UFL1: variants seen among roughly 807,000 people sequenced by gnomAD.
The protein encoded by UFL1 is UFM1 specific ligase 1.
Under a neutral mutation model 99.3 loss-of-function variants are expected in UFL1, and 78 were observed. The observed-to-expected ratio is 0.79, with a 90% confidence interval of 0.65 to 0.95. The LOEUF is 0.95. Ranked by LOEUF, UFL1 falls within the 40% of genes least tolerant of loss-of-function variation. UFL1 has a pLI of 0.00. For missense variants in UFL1, 936 were observed against 937.0 expected, an observed-to-expected ratio of 1.00 and a Z score of 0.01; for synonymous variants, 335 against 322.2, an observed-to-expected ratio of 1.04 and a Z score of -0.42.
At chr6:96,550,886 A>G (rs537179176) in intron 15 of UFL1, among the ~76,000 whole-genome samples, 18 of 152,116 alleles carry the variant, frequency 1.2e-4, no homozygotes, top group African/African-American at 4.3e-4. Context: ...CCTGGTGTCA[A>G]GCCATACTAG....
rs751295138 is a variant in UFL1 at position 96,526,351 on chromosome 6, C to T, written c.381C>T (p.Val127=). ...ENYLDRLAEE[V]NDKLQESGQV... is the part of the protein sequence containing the mutation. ...ATTTGGATCGGTTGGCAGAAGAGGTCAATGATAAATTGCAAGAAAGTGGTC... is the reference window on the plus strand; with the variant it reads ...ATTTGGATCGGTTGGCAGAAGAGGTTAATGATAAATTGCAAGAAAGTGGTC... The change falls in exon 5 of 19, where the codon GTC becomes GTT. Residue 127 remains valine (V), a synonymous_variant. Coordinates refer to ENST00000369278, the MANE Select transcript of UFL1 (RefSeq NM_015323.5). 1.2e-6 allele frequency: 2 copies of T among 1,613,344 alleles called. No homozygotes were observed. Among genetic ancestry groups the T allele is most frequent in the South Asian group, 1.1e-5 (1 of 90,950 alleles).
intron 13 of UFL1, among the ~76,000 whole-genome samples, chr6:96,548,729 C>G (rs527393293): frequency 1.1e-4 from 16 of 151,718 alleles, no homozygotes; most frequent in African/African-American, 3.9e-4. Context: ...TTAGGCACTC[C>G]TACCTTATGA....
intron 6 of UFL1, among the ~76,000 whole-genome samples, chr6:96,531,631 A>T (rs553487950): frequency 1.2e-4 from 18 of 152,306 alleles, no homozygotes; most frequent in African/African-American, 4.1e-4. Context: ...ATGGAGAGGG[A>T]TTCTTCAGTT....
intron 12 of UFL1, among the ~76,000 whole-genome samples, chr6:96,545,205 C>T (rs1355930668): frequency 6.6e-6 from 1 of 150,768 alleles, no homozygotes; most frequent in East Asian, 1.9e-4. Flanking sequence ...GATTTTTGAG[C>T]CATTTTATTT....
In UFL1 at chr6:96,523,261, G is replaced by C. The variant is rs1582435486; in HGVS notation, c.193G>C (p.Glu65Gln). The C allele has an allele frequency of 6.2e-7, 1 of 1,609,254 alleles. No homozygotes were observed. The highest frequency in any genetic ancestry group is 2.2e-5 in the East Asian group (1 of 44,722). Reference protein sequence around the residue: ...EYITPAQISKEMRDELHVRGG... With the variant: ...EYITPAQISKQMRDELHVRGG... ...TATTACTCCAGCCCAAATTAGTAAA[G>C]AAATGAGAGATGAGCTACATGTCCG... The change falls in exon 2 of 19, where the codon GAA becomes CAA. Residue 65 changes from glutamate (E) to glutamine (Q), a missense_variant. Coordinates refer to ENST00000369278, the MANE Select transcript of UFL1 (RefSeq NM_015323.5).
Position 96,548,189 on chromosome 6 carries a change from T to C in UFL1, c.1428T>C (p.Phe476=), listed in dbSNP as rs1298992448. ...HTGKKKPEIS[F]MFQDEIEDFL... The stretch of plus-strand genomic sequence containing the variant: ...GAAAGAAGAAGCCAGAGATCAGTTT[T>C]ATGTTCCAGGATGAGATTGAAGATT... The change falls in exon 13 of 19, where the codon TTT becomes TTC. Residue 476 remains phenylalanine (F), a synonymous_variant. Coordinates refer to ENST00000369278, the MANE Select transcript of UFL1 (RefSeq NM_015323.5). 1 of 1,602,112 alleles carries C rather than the reference T, an allele frequency of 6.2e-7. No individual in the cohort carries two copies. Among genetic ancestry groups the C allele is most frequent in the Non-Finnish European group, 8.5e-7 (1 of 1,173,744 alleles).
intron 5 of UFL1, among the ~76,000 whole-genome samples, chr6:96,527,498 G>A (rs1582437460): frequency 6.8e-6 from 1 of 146,808 alleles, no homozygotes; most frequent in South Asian, 2.1e-4. Context: ...TGAGATTAAT[G>A]TATAATACAA....
chr6:96,548,304 CT>C, intron 13 of UFL1, 23 bp downstream of exon 13: 1 of 1,412,042 alleles, frequency 7.1e-7, no homozygotes, highest in Non-Finnish European at 9.7e-7. Flanking sequence ...TGTATTTTTT[CT>C]GTTTTATGGT....
rs373693387 is a variant in UFL1 at position 96,551,048 on chromosome 6, C to T, written c.1819-385C>T. ...ACAAGCATCCAGCCATGAACAAGAG[C>T]TCAGCCTCCCATCTTGTAGGCATCC... On this transcript the variant is annotated intron_variant, in intron 15 of 18. Coordinates refer to ENST00000369278, the MANE Select transcript of UFL1 (RefSeq NM_015323.5). Among the ~76,000 whole-genome samples the T allele has an allele frequency of 2.6e-5, 4 of 152,084 alleles. No individual in the cohort carries two copies. In the South Asian group the frequency reaches 8.3e-4, roughly 32 times the overall value.
At chr6:96,548,095 C>A (rs1408740290) in intron 12 of UFL1, 69 bp from the exon 13 acceptor site, 3 of 928,536 alleles carry the variant, frequency 3.2e-6, no homozygotes, top group South Asian at 1.6e-5. Flanking sequence ...AGTAATGGAG[C>A]CCTATTTGCC....
At chr6:96,526,797 T>C (rs1371279678) in intron 5 of UFL1, among the ~76,000 whole-genome samples, 2 of 152,226 alleles carry the variant, frequency 1.3e-5, no homozygotes, top group Non-Finnish European at 2.9e-5. Context: ...ATTAAATTTC[T>C]GATTGCCCAG....
intron 5 of UFL1, among the ~76,000 whole-genome samples, chr6:96,526,898 T>C (rs1387667852): frequency 6.6e-6 from 1 of 152,192 alleles, no homozygotes; most frequent in African/African-American, 2.4e-5. Context: ...CTAAACATCC[T>C]ACAATGTACA....
Position 96,551,229 on chromosome 6 carries a change from G to T in UFL1, c.1819-204G>T, listed in dbSNP as rs565631112. On this transcript the variant is annotated intron_variant, in intron 15 of 18. Coordinates refer to ENST00000369278, the MANE Select transcript of UFL1 (RefSeq NM_015323.5). ...GTCTTTCTCTTACATTGATGGAGCAGGTGGGAGGAGCAGGGCTGTATCTAT... is the reference window on the plus strand; with the variant it reads ...GTCTTTCTCTTACATTGATGGAGCATGTGGGAGGAGCAGGGCTGTATCTAT... Among the ~76,000 whole-genome samples, 4 of 152,094 alleles carry T rather than the reference G, an allele frequency of 2.6e-5. No individual in the cohort carries two copies. In the East Asian group the frequency reaches 7.8e-4, roughly 29 times the overall value.
rs769345506 is a variant in UFL1, at chr6:96,534,273, G to C, written c.607G>C (p.Val203Leu). The C allele has an allele frequency of 1.9e-6, 3 of 1,571,482 alleles. No homozygotes were observed. The highest frequency in any genetic ancestry group is 1.2e-5 in the South Asian group (1 of 83,204). ...TAACTTTCCATAAAGGCCTACAGCTGTGAATTCTTTGATTTCAAAATATGG... is the reference window on the plus strand; with the variant it reads ...TAACTTTCCATAAAGGCCTACAGCTCTGAATTCTTTGATTTCAAAATATGG... ...LFSAITRPTAVNSLISKYGFQ... is the reference protein window; with the variant it reads ...LFSAITRPTALNSLISKYGFQ... Residue 203 changes from valine (V) to leucine (L), a missense_variant, in exon 7 of 19, where the codon GTG (valine) becomes CTG (leucine). Physicochemically the swap from Val to Leu is conservative, Grantham distance 32 (BLOSUM62 1). Transcript: ENST00000369278.
chr6:96,536,234 T>G lies in UFL1; in HGVS notation c.656-10T>G. On this transcript the variant is annotated splice_polypyrimidine_tract_variant and intron_variant, in intron 7 of 18. Coordinates refer to ENST00000369278, the MANE Select transcript of UFL1 (RefSeq NM_015323.5). Reference sequence around the variant, plus strand: ...CTGATTTATTTGTATTCATGTGGGTTTGTTTTAAGCTGTGCTTGAGGAACT... The same window carrying G: ...CTGATTTATTTGTATTCATGTGGGTGTGTTTTAAGCTGTGCTTGAGGAACT... 6.2e-7 allele frequency: 1 copy of G among 1,603,152 alleles called. No homozygotes were observed. Among genetic ancestry groups the G allele is most frequent in the Non-Finnish European group, 8.5e-7 (1 of 1,172,822 alleles).
chr6:96,553,530 G>A lies in UFL1; in HGVS notation c.*27G>A. 6.9e-6 allele frequency: 11 copies of A among 1,599,782 alleles called. No homozygotes were observed. The highest frequency in any genetic ancestry group is 9.4e-6 in the Non-Finnish European group (11 of 1,171,950). ...GATCTTAATTTACATTTGTCATATA[G>A]TAAGCATTTTCCCCCAAGGTTGAAG... On this transcript the variant is annotated 3_prime_UTR_variant, in exon 19 of 19. Transcript: ENST00000369278.
At chr6:96,522,783 A>T (rs1401604748) in intron 1 of UFL1, 8 of 160,352 alleles carry the variant, frequency 5.0e-5, no homozygotes, top group African/African-American at 1.9e-4. Flanking sequence ...TTAAACTGGA[A>T]ATTAGGGCAT....
intron 6 of UFL1, among the ~76,000 whole-genome samples, chr6:96,532,090 A>C (rs902626207): frequency 6.6e-6 from 1 of 152,242 alleles, no homozygotes; most frequent in Non-Finnish European, 1.5e-5. Context: ...AGTGAGAAGA[A>C]TGATGTATGT....
At chr6:96,528,005 C>T (rs574781376) in intron 5 of UFL1, among the ~76,000 whole-genome samples, 45 of 152,148 alleles carry the variant, frequency 3.0e-4, no homozygotes, top group Non-Finnish European at 4.1e-4. Context: ...ATCTTCTGGA[C>T]GGGGATAAAT....
Sources: gnomAD v4.1 joint callset for allele counts (sites outside exome capture counted in the v4.1 genomes callset) on GRCh38, gnomAD v4.1.1 for gene constraint, MANE v1.5 for transcripts, NCBI Gene and HGNC (gene_info 2026-07-23, HGNC 2026-07-21) for gene names.